LACTB2: variants seen among roughly 807,000 people sequenced by gnomAD.
LACTB2 encodes lactamase beta 2.
In LACTB2, 32 loss-of-function variants were observed where a neutral mutation model predicts 34.8. The observed-to-expected ratio is 0.92, with a 90% CI of 0.69 to 1.24. The LOEUF is 1.24. Ranked by LOEUF, LACTB2 falls within the 50% of genes most tolerant of loss-of-function variation. LACTB2 has a pLI of 0.00. For synonymous variants in LACTB2, 120 were observed against 117.5 expected (o/e 1.02, Z -0.14); for missense variants, 320 against 345.0 (o/e 0.93, Z 0.57).
Position 70,668,748 on chromosome 8 carries a change from G to GTTTTTTTTTTTTTTTTT in LACTB2, c.122+234_122+250dup, listed in dbSNP as rs990900411. Among the ~76,000 whole-genome samples the GTTTTTTTTTTTTTTTTT allele has an allele frequency of 9.5e-4, 98 of 103,670 alleles. 2 individuals carry two copies. The highest frequency in any genetic ancestry group is 1.9e-3 in the South Asian group (4 of 2,070). 68.0% of individuals were successfully genotyped at this position (103,670 alleles called of 152,430 possible). The stretch of plus-strand genomic sequence containing the variant: ...CAGTAAATCGGGTTTCAAAACAGAA[G>GTTTTTTTTTTTTTTTTT]TTTTTTTTTTTTTTTTTTTTTTTTT... On this transcript the variant is annotated intron_variant, in intron 1 of 6. Coordinates refer to ENST00000276590, the MANE Select transcript of LACTB2 (RefSeq NM_016027.3).
Position 70,657,799 on chromosome 8 carries a change from G to C in LACTB2, c.370C>G (p.Leu124Val). 6.2e-7 allele frequency: 1 copy of C among 1,612,926 alleles called. No individual in the cohort carries two copies. Among genetic ancestry groups the C allele is most frequent in the Non-Finnish European group, 8.5e-7 (1 of 1,179,162 alleles). ...IGNGEQQYVY[L>V]KDGDVIKTEG... ...GTCTTAATCACATCTCCATCTTTCA[G>C]ATAAACATATTGTTGCTCTCCATTT... Residue 124 changes from leucine (L) to valine (V), a missense_variant, in exon 3 of 7, where the codon CTG becomes GTG. Physicochemically the swap from Leu to Val is conservative, Grantham distance 32 (BLOSUM62 1). Coordinates refer to ENST00000276590, the MANE Select transcript of LACTB2 (RefSeq NM_016027.3).
chr8:70,658,364 C>T (rs955819231), intron 2 of LACTB2, among the ~76,000 whole-genome samples: 1 of 152,116 alleles, frequency 6.6e-6, no homozygotes, highest in African/African-American at 2.4e-5. Flanking sequence ...GATATTAAAC[C>T]TTTAAAATAA....
chr8:70,668,955 G>C (rs537130740), intron 1 of LACTB2, 44 bp downstream of exon 1: 16 of 1,553,418 alleles, frequency 1.0e-5, no homozygotes, highest in African/African-American at 2.7e-5. Context: ...CCCGGGCTCC[G>C]GGGCCGGCTG....
At chr8:70,665,711 C>T (rs1161057226) in intron 1 of LACTB2, among the ~76,000 whole-genome samples, 1 of 152,190 alleles carries the variant, frequency 6.6e-6, no homozygotes, top group East Asian at 1.9e-4. Flanking sequence ...TTAGAACTGT[C>T]TTGTCCAAAG....
rs552415721 is a variant in LACTB2 at position 70,657,638 on chromosome 8, C to T, written c.413+118G>A. The T allele has an allele frequency of 8.3e-5, 82 of 989,904 alleles. No homozygotes were observed. The African/African-American group carries it at 1.2e-3, about 15-fold the overall frequency. 61.3% of individuals were successfully genotyped at this position (989,904 alleles called of 1,614,324 possible). Reference sequence around the variant, plus strand: ...GTATTGCCCAGGCTGGTCTTGAACTCCTGGGCTCAAACGATCTTCCCATCT... The same window carrying T: ...GTATTGCCCAGGCTGGTCTTGAACTTCTGGGCTCAAACGATCTTCCCATCT... On this transcript the variant is annotated intron_variant, in intron 3 of 6. Coordinates refer to ENST00000276590, the MANE Select transcript of LACTB2 (RefSeq NM_016027.3).
intron 3 of LACTB2, among the ~76,000 whole-genome samples, chr8:70,652,917 C>A (rs1818361969): frequency 6.8e-6 from 1 of 147,578 alleles, no homozygotes; most frequent in East Asian, 2.0e-4. Context: ...TAAACCAGTA[C>A]TGTGATTCCC....
chr8:70,637,477 G>T lies in LACTB2; in HGVS notation c.*383C>A, dbSNP rs1039032433. 1 of 152,844 alleles carries T rather than the reference G, an allele frequency of 6.5e-6. No individual in the cohort carries two copies. The highest frequency in any genetic ancestry group is 1.5e-5 in the Non-Finnish European group (1 of 68,566). 9.5% of individuals were successfully genotyped at this position (152,844 alleles called of 1,614,324 possible). A position where few individuals can be genotyped will look rare whatever the true frequency, so the allele number is the denominator to read the frequency against. On this transcript the variant is annotated 3_prime_UTR_variant, in exon 7 of 7. Coordinates refer to ENST00000276590, the MANE Select transcript of LACTB2 (RefSeq NM_016027.3). ...AGAGTAAAGGTGCATAGAAATCTGT[G>T]CTGTTAAATAAAGTAGCTATAGAAA...
rs548288949 is a variant in LACTB2 at position 70,638,045 on chromosome 8, T to C, written c.824-142A>G. ...TATAAAGTTGGGTATTTTTGGTACA[T>C]GTAAAAACATTGCTAAGGCTTCTAC... On this transcript the variant is annotated intron_variant, in intron 6 of 6. Transcript: ENST00000276590. 7.2e-5 allele frequency: 33 copies of C among 460,686 alleles called. 1 individual carries two copies. Among genetic ancestry groups the C allele is most frequent in the South Asian group, 6.1e-4 (10 of 16,406 alleles). The allele number at this position is 460,686 out of a possible 1,614,324, so 28.5% of individuals were successfully genotyped here.
chr8:70,645,195 A>G (rs903821684), intron 3 of LACTB2, among the ~76,000 whole-genome samples: 3 of 152,170 alleles, frequency 2.0e-5, no homozygotes, highest in African/African-American at 7.2e-5. Context: ...GGCTCACTGC[A>G]GCCTCAACCT....
At chr8:70,649,797 A>T (rs1242618503) in intron 3 of LACTB2, among the ~76,000 whole-genome samples, 1 of 152,154 alleles carries the variant, frequency 6.6e-6, no homozygotes, top group Admixed American at 6.5e-5. Flanking sequence ...CTGTTAGCTA[A>T]TCATTTGTGT....
At chr8:70,639,752 C>T (rs979709765) in intron 5 of LACTB2, among the ~76,000 whole-genome samples, 3 of 151,790 alleles carry the variant, frequency 2.0e-5, no homozygotes, top group South Asian at 2.1e-4. Context: ...CACCTGAGGT[C>T]GGGAGTTCGA....
Position 70,647,157 on chromosome 8 carries a change from T to C in LACTB2, c.414-2914A>G, listed in dbSNP as rs533629853. 2.0e-5 allele frequency among the ~76,000 whole-genome samples: 3 copies of C among 152,316 alleles called. No individual in the cohort carries two copies. In the East Asian group the frequency reaches 5.8e-4, roughly 29 times the overall value. On this transcript the variant is annotated intron_variant, in intron 3 of 6. Transcript: ENST00000276590. Reference sequence around the variant, plus strand: ...GTCTGAAGGAATATGGTTTAAATTATATTTTATTTAGTTTAAGAGGATAAT... The same window carrying C: ...GTCTGAAGGAATATGGTTTAAATTACATTTTATTTAGTTTAAGAGGATAAT...
At chr8:70,640,848 T>C (rs1818187467) in intron 5 of LACTB2, 54 bp downstream of exon 5, 1 of 1,470,598 alleles carries the variant, frequency 6.8e-7, no homozygotes, top group East Asian at 2.5e-5. Context: ...GTCTACTAAA[T>C]AGATAATTCT....
At chr8:70,642,990 G>GCA (rs1818218560) in intron 4 of LACTB2, among the ~76,000 whole-genome samples, 1 of 152,100 alleles carries the variant, frequency 6.6e-6, no homozygotes, top group African/African-American at 2.4e-5. Context: ...CAGCTAAAAT[G>GCA]TGGTCCAAAT....
intron 2 of LACTB2, chr8:70,660,388 A>C: frequency 2.8e-6 from 1 of 356,902 alleles, no homozygotes; most frequent in South Asian, 2.2e-5. Flanking sequence ...CAGTCCCCTT[A>C]GATTGGAAGA....
rs748543514 is a variant in LACTB2, at chr8:70,669,016, T to C, written c.105A>G (p.Leu35=). 3.1e-6 allele frequency: 5 copies of C among 1,597,588 alleles called. No homozygotes were observed. The African/African-American group carries it at 6.7e-5, about 21-fold the overall frequency. The change falls in exon 1 of 7, where the codon CTA becomes CTG. Residue 35 remains leucine, a synonymous_variant. Transcript: ENST00000276590. ...ACGTTTACCTGGGGCCGGTCCCCACTAGGTAGGTGTTGGTGCCTTGGAGGG... is the reference window on the plus strand; with the variant it reads ...ACGTTTACCTGGGGCCGGTCCCCACCAGGTAGGTGTTGGTGCCTTGGAGGG... The part of the protein sequence containing the change: ...PMTLQGTNTY[L]VGTGPRRILI...
chr8:70,668,368 C>A (rs1452483277), intron 1 of LACTB2, among the ~76,000 whole-genome samples: 1 of 152,148 alleles, frequency 6.6e-6, no homozygotes, highest in Non-Finnish European at 1.5e-5. Context: ...TGCAGCTAAA[C>A]AAGAGCAAAA....
At chr8:70,640,732 C>T in intron 5 of LACTB2, 170 bp downstream of exon 5, 1 of 694,718 alleles carries the variant, frequency 1.4e-6, no homozygotes, top group Non-Finnish European at 2.1e-6. Context: ...TTCTCTAAGG[C>T]CAGTTTTTGT....
chr8:70,655,520 C>T (rs1314773078), intron 3 of LACTB2, among the ~76,000 whole-genome samples: 2 of 152,142 alleles, frequency 1.3e-5, no homozygotes, highest in Admixed American at 1.3e-4. Flanking sequence ...CCATGCCTGG[C>T]CCCGTAATTC....
Sources: allele counts gnomAD v4.1 joint callset (sites outside exome capture counted in the v4.1 genomes callset), GRCh38; gene constraint gnomAD v4.1.1; transcripts MANE v1.5; gene names NCBI Gene and HGNC (gene_info 2026-07-23, HGNC 2026-07-21).